GARRE1: variants seen among roughly 807,000 people sequenced by gnomAD.
The protein encoded by GARRE1 is granule associated Rac and RHOG effector protein 1.
A neutral mutation model predicts 103.2 loss-of-function variants in GARRE1; 49 were observed. That is an observed-to-expected ratio of 0.47 (90% CI 0.38 to 0.60). The LOEUF is 0.60. GARRE1 is among the 20% of genes least tolerant of loss of function. The pLI, the probability that GARRE1 is intolerant of heterozygous loss-of-function variation, is 0.00. For synonymous variants in GARRE1, 505 were observed against 532.8 expected, an observed-to-expected ratio of 0.95 and a Z score of 0.72; for missense variants, 1,199 against 1,370.5, an observed-to-expected ratio of 0.87 and a Z score of 1.98.
intron 2 of GARRE1, among the ~76,000 whole-genome samples, chr19:34,301,505 C>T (rs2073978334): frequency 1.0e-5 from 1 of 97,824 alleles, no homozygotes; most frequent in South Asian, 3.7e-4. Flanking sequence ...CAGAGTGAGA[C>T]CATGTCTCAA....
At chr19:34,312,737 G>A (rs2074042878) in intron 2 of GARRE1, among the ~76,000 whole-genome samples, 1 of 152,086 alleles carries the variant, frequency 6.6e-6, no homozygotes, top group African/African-American at 2.4e-5. Flanking sequence ...GACCAGCCTG[G>A]CCAACATGGT....
chr19:34,313,506 G>T (rs546863865), intron 2 of GARRE1, among the ~76,000 whole-genome samples: 1 of 152,154 alleles, frequency 6.6e-6, no homozygotes, highest in African/African-American at 2.4e-5. Flanking sequence ...GTCTCAGTGC[G>T]GCAACATGGG....
rs560845402 is a variant in GARRE1 at position 34,295,122 on chromosome 19, A to G, written c.-795-4557A>G. ...CCACCAGACAGGTTAAATAATGCCA[A>G]TTTCCTGGGAATGGTACTTTGAAGG... On this transcript the variant is annotated intron_variant, in intron 1 of 13. Coordinates refer to ENST00000299505, the MANE Select transcript of GARRE1 (RefSeq NM_014686.5). Among the ~76,000 whole-genome samples, 43 of 152,312 alleles carry G rather than the reference A, an allele frequency of 2.8e-4. No homozygotes were observed. The South Asian group carries it at 5.8e-3, about 21-fold the overall frequency.
At chr19:34,314,048 G>A (rs988175999) in intron 2 of GARRE1, among the ~76,000 whole-genome samples, 2 of 151,986 alleles carry the variant, frequency 1.3e-5, no homozygotes, top group Non-Finnish European at 2.9e-5. Context: ...TGATCCACCC[G>A]CCTCAACCTC....
intron 1 of GARRE1, among the ~76,000 whole-genome samples, chr19:34,268,349 C>G (rs1018372047): frequency 6.6e-6 from 1 of 152,082 alleles, no homozygotes; most frequent in African/African-American, 2.4e-5. Flanking sequence ...ACAAAACTTT[C>G]CTTGGCGGGG....
intron 10 of GARRE1, among the ~76,000 whole-genome samples, chr19:34,346,837 C>T (rs537767906): frequency 2.0e-5 from 3 of 152,170 alleles, no homozygotes; most frequent in East Asian, 1.9e-4. Context: ...TGGCTGGTCT[C>T]GAACTCCTGA....
intron 1 of GARRE1, among the ~76,000 whole-genome samples, chr19:34,284,121 G>A (rs1162668341): frequency 1.5e-5 from 2 of 130,108 alleles, no homozygotes; most frequent in Non-Finnish European, 3.1e-5. Context: ...TTACAGGCCC[G>A]GCTTTCTTTT....
intron 2 of GARRE1, among the ~76,000 whole-genome samples, chr19:34,315,406 C>T (rs946245000): frequency 5.9e-5 from 9 of 152,116 alleles, no homozygotes; most frequent in Non-Finnish European, 1.0e-4. Flanking sequence ...GCAACAACTA[C>T]AGTGGTATAG....
At chr19:34,301,094 G>A (rs181213766) in intron 2 of GARRE1, 126 bp downstream of exon 2, 2 of 1,040,866 alleles carry the variant, frequency 1.9e-6, no homozygotes, top group Admixed American at 2.6e-5. Flanking sequence ...TTGGTACTCT[G>A]TCTTTGTAAA....
At chr19:34,350,773 G>A (rs2074232475) in intron 12 of GARRE1, among the ~76,000 whole-genome samples, 1 of 152,046 alleles carries the variant, frequency 6.6e-6, no homozygotes, top group Non-Finnish European at 1.5e-5. Flanking sequence ...AGTAGAGACA[G>A]GGTTTCACCA....
In GARRE1 at chr19:34,284,447, C is replaced by T. The variant is rs571825134; in HGVS notation, c.-795-15232C>T. On this transcript the variant is annotated intron_variant, in intron 1 of 13. Coordinates refer to ENST00000299505, the MANE Select transcript of GARRE1 (RefSeq NM_014686.5). ...GCCTTCGTGTAGTTTCAAGCATGTC[C>T]TTTATTGCCTGAAATAGAAATCGCT... 9.2e-5 allele frequency among the ~76,000 whole-genome samples: 14 copies of T among 152,184 alleles called. 1 individual carries two copies. The South Asian group carries it at 2.9e-3, about 32-fold the overall frequency.
chr19:34,289,053 G>A (rs2073902941), intron 1 of GARRE1, among the ~76,000 whole-genome samples: 1 of 152,108 alleles, frequency 6.6e-6, no homozygotes, highest in South Asian at 2.1e-4. Flanking sequence ...AGAATTGCTT[G>A]AACCCAGGAG....
chr19:34,269,323 C>G (rs960712733), intron 1 of GARRE1, among the ~76,000 whole-genome samples: 1 of 152,146 alleles, frequency 6.6e-6, no homozygotes, highest in African/African-American at 2.4e-5. Context: ...CCACTGCATC[C>G]TGGGTGCCTG....
intron 1 of GARRE1, among the ~76,000 whole-genome samples, chr19:34,298,887 C>T (rs1471805584): frequency 6.6e-6 from 1 of 152,096 alleles, no homozygotes; most frequent in Admixed American, 6.6e-5. Flanking sequence ...CAGCGATATC[C>T]AGATTCTGCT....
In GARRE1 at chr19:34,352,752, C is replaced by A; in HGVS notation, c.3010C>A (p.Pro1004Thr). ...PSAPLYAVTS[P>T]GSQWNDTMQM... ...CGCACCACTCTATGCAGTCACCAGC[C>A]CTGGCAGCCAGTGGAACGACACCAT... Residue 1004 changes from proline (P) to threonine (T), a missense_variant, in exon 14 of 14, where the codon CCT becomes ACT. Transcript: ENST00000299505. 6.2e-7 allele frequency: 1 copy of A among 1,614,134 alleles called. No homozygotes were observed.
At chr19:34,296,435 C>A in intron 1 of GARRE1, 1 of 1,587,732 alleles carries the variant, frequency 6.3e-7, no homozygotes, top group Non-Finnish European at 8.5e-7. Context: ...ACTTCCCAAG[C>A]TTGGGGTGGG....
intron 1 of GARRE1, among the ~76,000 whole-genome samples, chr19:34,276,425 G>T (rs986942372): frequency 7.2e-5 from 11 of 152,164 alleles, no homozygotes; most frequent in Non-Finnish European, 1.5e-4. Context: ...TAACACATTT[G>T]ATTGTAGAAA....
chr19:34,263,689 G>C (rs2073734091), intron 1 of GARRE1, among the ~76,000 whole-genome samples: 1 of 152,120 alleles, frequency 6.6e-6, no homozygotes, highest in African/African-American at 2.4e-5. Flanking sequence ...TGTTGGCCAT[G>C]TTGGCCAGGT....
At position 34,296,152 on chromosome 19, in the gene GARRE1, C is replaced by CTTT. The variant is rs5827899; in HGVS notation, c.-795-3518_-795-3516dup. 2,340 of 281,796 alleles carry CTTT rather than the reference C, an allele frequency of 8.3e-3. 1 individual carries two copies. Among genetic ancestry groups the CTTT allele is most frequent in the Non-Finnish European group, 0.012 (1,858 of 155,874 alleles). 17.5% of individuals were successfully genotyped at this position (281,796 alleles called of 1,614,324 possible). A position where few individuals can be genotyped will look rare whatever the true frequency, so the allele number is the denominator to read the frequency against. On this transcript the variant is annotated intron_variant, in intron 1 of 13. Coordinates refer to ENST00000299505, the MANE Select transcript of GARRE1 (RefSeq NM_014686.5). ...TGTTTTAGTCATCCTGGATCCCTCG[C>CTTT]TTTTTTTTTTTCTTGCGTCAGTTTG... is the stretch of plus-strand genomic sequence containing the variant.
Sources: gnomAD v4.1 joint callset for allele counts (sites outside exome capture counted in the v4.1 genomes callset) on GRCh38, gnomAD v4.1.1 for gene constraint, MANE v1.5 for transcripts, NCBI Gene and HGNC (gene_info 2026-07-23, HGNC 2026-07-21) for gene names.